Variants in RBFOX1 observed in about 807,000 individuals in gnomAD.
RBFOX1 encodes RNA binding protein fox-1 homolog 1.
Under a neutral mutation model 57.7 loss-of-function variants are expected in RBFOX1, and 8 were observed. The observed-to-expected ratio is 0.14, with a 90% CI of 0.08 to 0.25. The LOEUF (loss-of-function observed/expected upper bound fraction) is 0.25. RBFOX1 is among the 10% of genes least tolerant of loss of function. The pLI is 1.00. For synonymous variants in RBFOX1, 326 were observed against 222.4 expected, an observed-to-expected ratio of 1.47 and a Z score of -4.15; for missense variants, 611 against 548.5, an observed-to-expected ratio of 1.11 and a Z score of -1.14.
intron 4 of RBFOX1, among the ~76,000 whole-genome samples, chr16:7,288,067 C>G (rs1047315761): frequency 1.3e-5 from 2 of 152,046 alleles, no homozygotes; most frequent in African/African-American, 4.8e-5. Flanking sequence ...AACATGGTCT[C>G]CTTTAGATGC....
chr16:7,168,046 T>C (rs534246105), intron 4 of RBFOX1, among the ~76,000 whole-genome samples: 10 of 152,160 alleles, frequency 6.6e-5, no homozygotes, highest in Non-Finnish European at 1.2e-4. Flanking sequence ...TTTTCCTCCT[T>C]AGAGGAAAAA....
intron 1 of RBFOX1, among the ~76,000 whole-genome samples, chr16:6,098,217 C>A (rs2096267333): frequency 6.6e-6 from 1 of 152,204 alleles, no homozygotes; most frequent in Non-Finnish European, 1.5e-5. Context: ...GTGACAGGCA[C>A]TGGTACCTTT....
intron 1 of RBFOX1, among the ~76,000 whole-genome samples, chr16:6,231,661 C>T (rs1598608368): frequency 6.6e-6 from 1 of 152,216 alleles, no homozygotes; most frequent in Non-Finnish European, 1.5e-5. Context: ...CACTTACAAT[C>T]ACTGTGAGCC....
At chr16:6,944,739 G>T (rs981410628) in intron 3 of RBFOX1, among the ~76,000 whole-genome samples, 29 of 152,132 alleles carry the variant, frequency 1.9e-4, no homozygotes, top group African/African-American at 7.0e-4. Flanking sequence ...TGACATACAT[G>T]GATAAAGTCC....
chr16:6,371,463 C>G lies in RBFOX1; in HGVS notation c.-64+54406C>G, dbSNP rs2090423381. On this transcript the variant is annotated intron_variant, in intron 2 of 15. Transcript: ENST00000550418. ...TACTTTCGTTATTTGTTTTGATGCT[C>G]AAGTTGTATCATATGTATTCACTGG... Among the ~76,000 whole-genome samples the G allele has an allele frequency of 2.0e-5, 3 of 152,248 alleles. No homozygotes were observed. The South Asian group carries it at 6.2e-4, about 32-fold the overall frequency.
chr16:5,279,861 A>G (rs2063230381), intron 1 of RBFOX1, among the ~76,000 whole-genome samples: 1 of 152,172 alleles, frequency 6.6e-6, no homozygotes, highest in South Asian at 2.1e-4. Flanking sequence ...GTTTACGAGT[A>G]TAAGATTATG....
intron 4 of RBFOX1, among the ~76,000 whole-genome samples, chr16:7,238,532 C>G (rs1023638946): frequency 5.0e-5 from 4 of 79,238 alleles, no homozygotes; most frequent in South Asian, 3.0e-4. Flanking sequence ...CAACCTTGGG[C>G]TACACACGCA....
intron 4 of RBFOX1, among the ~76,000 whole-genome samples, chr16:5,924,775 C>A (rs1041604785): frequency 1.3e-5 from 2 of 152,166 alleles, no homozygotes; most frequent in African/African-American, 4.8e-5. Flanking sequence ...TGAGTCTTAT[C>A]TTCATGATTT....
chr16:5,455,971 C>A (rs1478169697), intron 1 of RBFOX1, among the ~76,000 whole-genome samples: 2 of 151,946 alleles, frequency 1.3e-5, no homozygotes, highest in Non-Finnish European at 2.9e-5. Flanking sequence ...TAAATTAAAT[C>A]TCATGATTTT....
intron 2 of RBFOX1, among the ~76,000 whole-genome samples, chr16:6,606,552 T>A (rs983141300): frequency 3.9e-5 from 6 of 152,134 alleles, no homozygotes; most frequent in African/African-American, 1.4e-4. Flanking sequence ...TTGTGTGTAG[T>A]TCCCCTCCCT....
chr16:7,447,415 C>A (rs367667594), intron 4 of RBFOX1, among the ~76,000 whole-genome samples: 2 of 130,016 alleles, frequency 1.5e-5, no homozygotes, highest in East Asian at 2.3e-4. Flanking sequence ...GCTGGCCAAC[C>A]GAGTGAGTCT....
At chr16:5,402,216 C>T (rs1332028477) in intron 1 of RBFOX1, among the ~76,000 whole-genome samples, 1 of 152,106 alleles carries the variant, frequency 6.6e-6, no homozygotes. Flanking sequence ...TAAGACACCC[C>T]AGCGTACTGG....
At chr16:6,399,518 C>G (rs533159619) in intron 2 of RBFOX1, among the ~76,000 whole-genome samples, 1 of 152,116 alleles carries the variant, frequency 6.6e-6, no homozygotes, top group South Asian at 2.1e-4. Context: ...GAGACCACCT[C>G]AGCCAGGACT....
intron 1 of RBFOX1, among the ~76,000 whole-genome samples, chr16:6,265,241 G>T (rs1041486508): frequency 6.6e-6 from 1 of 150,896 alleles, no homozygotes; most frequent in East Asian, 1.9e-4. Context: ...TTTTTTTTTT[G>T]ACATTTTGTT....
chr16:7,614,355 C>T (rs1243639834), intron 10 of RBFOX1: 1 of 152,240 alleles, frequency 6.6e-6, no homozygotes, highest in East Asian at 1.9e-4. Flanking sequence ...CCTCTCCTCC[C>T]CTCTTCTGTC....
intron 4 of RBFOX1, among the ~76,000 whole-genome samples, chr16:7,191,573 C>G (rs1392833802): frequency 6.6e-6 from 1 of 152,174 alleles, no homozygotes; most frequent in East Asian, 1.9e-4. Context: ...ATATCATCTT[C>G]AAACCATATC....
chr16:6,814,421 C>T (rs1474363908), intron 3 of RBFOX1, among the ~76,000 whole-genome samples: 1 of 152,070 alleles, frequency 6.6e-6, no homozygotes, highest in Non-Finnish European at 1.5e-5. Flanking sequence ...GTGTGTCAAG[C>T]CTGACATTGG....
chr16:7,080,574 C>T (rs140196968), intron 4 of RBFOX1, among the ~76,000 whole-genome samples: 2 of 152,134 alleles, frequency 1.3e-5, no homozygotes, highest in African/African-American at 4.8e-5. Flanking sequence ...TTCAGAGATT[C>T]CTCAGCAATT....
At chr16:5,974,043 G>A (rs368755059) in intron 4 of RBFOX1, among the ~76,000 whole-genome samples, 1 of 152,110 alleles carries the variant, frequency 6.6e-6, no homozygotes, top group Non-Finnish European at 1.5e-5. Flanking sequence ...GATGATCATC[G>A]TATCTACATG....
Sources: allele counts gnomAD v4.1 joint callset (sites outside exome capture counted in the v4.1 genomes callset), GRCh38; gene constraint gnomAD v4.1.1; transcripts MANE v1.5; gene names NCBI Gene and HGNC (gene_info 2026-07-23, HGNC 2026-07-21).